AGBL1: variants seen among roughly 807,000 people sequenced by gnomAD.
The protein encoded by AGBL1 is cytosolic carboxypeptidase 4.
Under a neutral mutation model 118.9 loss-of-function variants are expected in AGBL1, and 130 were observed. The ratio of observed to expected loss-of-function variants is 1.09; its 90% CI spans 0.95 to 1.26. AGBL1 has a LOEUF of 1.26. AGBL1 is among the 50% of genes most tolerant of loss of function. The pLI, the probability that AGBL1 is intolerant of heterozygous loss-of-function variation, is 0.00. For synonymous variants in AGBL1, 555 were observed against 478.9 expected, an observed-to-expected ratio of 1.16 and a Z score of -2.08; for missense variants, 1,584 against 1,298.1, an observed-to-expected ratio of 1.22 and a Z score of -3.38.
At chr15:86,692,401 C>G (rs557561214) in intron 22 of AGBL1, among the ~76,000 whole-genome samples, 1 of 151,912 alleles carries the variant, frequency 6.6e-6, no homozygotes, top group African/African-American at 2.4e-5. Context: ...TTAGTATCAC[C>G]CTTAGTGAGG....
intron 17 of AGBL1, among the ~76,000 whole-genome samples, chr15:86,359,941 C>A (rs140419183): frequency 4.0e-5 from 6 of 151,874 alleles, no homozygotes; most frequent in Non-Finnish European, 7.4e-5. Context: ...AGGTTTTTTG[C>A]TGAATGTTTA....
chr15:86,277,945 G>A (rs2079284168), intron 15 of AGBL1, among the ~76,000 whole-genome samples: 1 of 152,226 alleles, frequency 6.6e-6, no homozygotes, highest in Non-Finnish European at 1.5e-5. Context: ...TTCCCGTAAA[G>A]AGGAGTAATT....
intron 22 of AGBL1, among the ~76,000 whole-genome samples, chr15:86,769,530 A>G (rs1179079017): frequency 6.6e-6 from 1 of 151,992 alleles, no homozygotes; most frequent in Admixed American, 6.6e-5. Flanking sequence ...ACCTTCTGCA[A>G]GTAATCTTGT....
intron 20 of AGBL1, among the ~76,000 whole-genome samples, chr15:86,550,408 C>T (rs955986796): frequency 3.9e-5 from 6 of 151,948 alleles, no homozygotes; most frequent in Non-Finnish European, 8.8e-5. Flanking sequence ...TTCAATAATG[C>T]AAACAGCTTA....
chr15:86,860,954 G>A (rs2079551642), intron 22 of AGBL1, among the ~76,000 whole-genome samples: 1 of 152,056 alleles, frequency 6.6e-6, no homozygotes, highest in Non-Finnish European at 1.5e-5. Flanking sequence ...CCCAGGCAGG[G>A]GGCAGCAGGG....
At chr15:86,818,618 C>T (rs1370624382) in intron 22 of AGBL1, among the ~76,000 whole-genome samples, 1 of 151,998 alleles carries the variant, frequency 6.6e-6, no homozygotes, top group African/African-American at 2.4e-5. Flanking sequence ...GAGCATATCA[C>T]CTAGATGGAT....
In AGBL1 at chr15:86,528,577, C is replaced by T. The variant is rs1295096027; in HGVS notation, c.2685+5638C>T. Among the ~76,000 whole-genome samples the T allele has an allele frequency of 4.3e-5, 6 of 139,008 alleles. 1 individual carries two copies. Among genetic ancestry groups the T allele is most frequent in the Admixed American group, 7.0e-5 (1 of 14,282 alleles). 91.2% of individuals were successfully genotyped at this position (139,008 alleles called of 152,430 possible). A position where few individuals can be genotyped will look rare whatever the true frequency, so the allele number is the denominator to read the frequency against. ...GGCTTGCTTAGGTAAACAAAGCAGCCGGGAAGCTCGAACTGGGTGGAGCCC... is the reference window on the plus strand; with the variant it reads ...GGCTTGCTTAGGTAAACAAAGCAGCTGGGAAGCTCGAACTGGGTGGAGCCC... On this transcript the variant is annotated intron_variant, in intron 19 of 22. Coordinates refer to ENST00000614907, the MANE Select transcript of AGBL1 (RefSeq NM_001386094.1).
intron 18 of AGBL1, among the ~76,000 whole-genome samples, chr15:86,463,817 G>T (rs1432844217): frequency 6.6e-6 from 1 of 152,118 alleles, no homozygotes; most frequent in Non-Finnish European, 1.5e-5. Flanking sequence ...TTTCATACCA[G>T]TTCCATGCTG....
chr15:86,870,475 AAAAAAAAAAAAAAAAAAAAAAG>A (rs2079708830), intron 22 of AGBL1, among the ~76,000 whole-genome samples: 1 of 46,380 alleles, frequency 2.2e-5, no homozygotes, highest in East Asian at 8.0e-4. Flanking sequence ...AAAAAAAAAA[AAAAAAAAAAAAAAAAAAAAAAG>A]AAGAAACAAA....
At chr15:86,889,151 A>T (rs1302324012) in intron 22 of AGBL1, among the ~76,000 whole-genome samples, 2 of 152,016 alleles carry the variant, frequency 1.3e-5, no homozygotes, top group African/African-American at 4.8e-5. Flanking sequence ...GCCATAGTTT[A>T]TCCTTATGTG....
chr15:86,628,479 T>A lies in AGBL1; in HGVS notation c.2995-45794T>A, dbSNP rs1464925418. Among the ~76,000 whole-genome samples, 7 of 152,130 alleles carry A rather than the reference T, an allele frequency of 4.6e-5. No individual in the cohort carries two copies. In the East Asian group the frequency reaches 1.4e-3, roughly 29 times the overall value. ...ATCTCAGTACTTGTCTAAAACATGT[T>A]TATTGAACTAATTTTTTTTCTTTAA... On this transcript the variant is annotated intron_variant, in intron 21 of 22. Transcript: ENST00000614907.
At chr15:86,873,019 C>T (rs1193035472) in intron 22 of AGBL1, among the ~76,000 whole-genome samples, 2 of 152,220 alleles carry the variant, frequency 1.3e-5, no homozygotes, top group Non-Finnish European at 2.9e-5. Context: ...AATCTGGCAT[C>T]TGTCTTTGTG....
At chr15:86,980,885 C>CTTTTTTTTTTTTTTT (rs36077192) in intron 23 of AGBL1, among the ~76,000 whole-genome samples, 6 of 118,986 alleles carry the variant, frequency 5.0e-5, no homozygotes, top group African/African-American at 6.7e-5. Context: ...CAGAAACATC[C>CTTTTTTTTTTTTTTT]TTTTTTTTTT....
chr15:86,515,926 G>A (rs2083115283), intron 18 of AGBL1, among the ~76,000 whole-genome samples: 1 of 152,204 alleles, frequency 6.6e-6, no homozygotes, highest in Non-Finnish European at 1.5e-5. Flanking sequence ...ATACATTTTA[G>A]GGAGACATGA....
At chr15:86,617,875 T>A (rs757927551) in intron 21 of AGBL1, among the ~76,000 whole-genome samples, 1 of 152,134 alleles carries the variant, frequency 6.6e-6, no homozygotes, top group Non-Finnish European at 1.5e-5. Context: ...AAAGTGTTGA[T>A]TTGCCATTTC....
intron 18 of AGBL1, among the ~76,000 whole-genome samples, chr15:86,490,430 C>T (rs558064770): frequency 1.3e-5 from 2 of 152,166 alleles, no homozygotes; most frequent in East Asian, 3.9e-4. Flanking sequence ...GTTTTTGCAG[C>T]CTCTGAAGAT....
At chr15:86,184,252 T>G (rs2077593072) in intron 5 of AGBL1, among the ~76,000 whole-genome samples, 1 of 152,182 alleles carries the variant, frequency 6.6e-6, no homozygotes, top group African/African-American at 2.4e-5. Flanking sequence ...AGTAGTCTTT[T>G]TCTCATTAGG....
chr15:86,507,948 A>G (rs903954387), intron 18 of AGBL1, among the ~76,000 whole-genome samples: 2 of 151,612 alleles, frequency 1.3e-5, no homozygotes, highest in Non-Finnish European at 2.9e-5. Flanking sequence ...ATGAAAATAG[A>G]GAGAGGGTAG....
chr15:86,394,786 G>A (rs930440082), intron 17 of AGBL1, among the ~76,000 whole-genome samples: 1 of 152,086 alleles, frequency 6.6e-6, no homozygotes, highest in Non-Finnish European at 1.5e-5. Flanking sequence ...AACCAAGTAG[G>A]CATTTACCAG....
Sources: gnomAD v4.1 joint callset for allele counts (sites outside exome capture counted in the v4.1 genomes callset) on GRCh38, gnomAD v4.1.1 for gene constraint, MANE v1.5 for transcripts, NCBI Gene and HGNC (gene_info 2026-07-23, HGNC 2026-07-21) for gene names.